The following UTP6 variants were observed in gnomAD, a reference collection of about 807,000 sequenced individuals.
The protein encoded by UTP6 is U3 small nucleolar RNA-associated protein 6 homolog.
A neutral mutation model predicts 96.5 loss-of-function variants in UTP6; 60 were observed. The ratio of observed to expected loss-of-function variants is 0.62; its 90% CI spans 0.51 to 0.77. The LOEUF (loss-of-function observed/expected upper bound fraction) is 0.77. UTP6 is among the 30% of genes least tolerant of loss of function. UTP6 has a pLI of 0.00. For synonymous variants in UTP6, 215 were observed against 240.1 expected, an observed-to-expected ratio of 0.90 and a Z score of 0.96; for missense variants, 637 against 706.5, an observed-to-expected ratio of 0.90 and a Z score of 1.12.
In UTP6 at chr17:31,868,127, G is replaced by A; in HGVS notation, c.1497-15C>T. On this transcript the variant is annotated splice_polypyrimidine_tract_variant and intron_variant, in intron 16 of 18. Coordinates refer to ENST00000261708, the MANE Select transcript of UTP6 (RefSeq NM_018428.3). ...TCTCCTGTAAACTAAAAAGGAAGGA[G>A]AAAACGTTATCTTCAACAATGACAA... The A allele has an allele frequency of 6.2e-7, 1 of 1,609,320 alleles. No individual in the cohort carries two copies. Among genetic ancestry groups the A allele is most frequent in the Non-Finnish European group, 8.5e-7 (1 of 1,177,476 alleles).
At chr17:31,880,449 C>A (rs991196741) in intron 11 of UTP6, 124 bp downstream of exon 11, 1 of 1,154,070 alleles carries the variant, frequency 8.7e-7, no homozygotes, top group Non-Finnish European at 1.2e-6. Context: ...AAAGGCCAGG[C>A]TCATCGTAAA....
chr17:31,861,600 G>A lies in UTP6; in HGVS notation c.*1759C>T, dbSNP rs1420538989. The A allele has an allele frequency of 6.6e-6, 1 of 151,458 alleles. No individual in the cohort carries two copies. The highest frequency in any genetic ancestry group is 1.5e-5 in the Non-Finnish European group (1 of 67,942). The allele number at this position is 151,458 out of a possible 1,614,324, so 9.4% of individuals were successfully genotyped here. On this transcript the variant is annotated 3_prime_UTR_variant, in exon 19 of 19. Coordinates refer to ENST00000261708, the MANE Select transcript of UTP6 (RefSeq NM_018428.3). ...ACTGCACTCTAGCCTAGGTGACAAA[G>A]CAAGAACTTGTCCAATTTAAAAAAA... is the stretch of plus-strand genomic sequence containing the variant.
rs1374000094 is a variant in UTP6, at chr17:31,901,640, C to T, written c.-13G>A. ...TTATCTCTGCCATGAGGTCCGAGGT[C>T]TACAACCCCGCGGGTAGCTTCTCAA... On this transcript the variant is annotated 5_prime_UTR_variant, in exon 1 of 19. Transcript: ENST00000261708. 6.2e-7 allele frequency: 1 copy of T among 1,612,640 alleles called. No homozygotes were observed. The highest frequency in any genetic ancestry group is 8.5e-7 in the Non-Finnish European group (1 of 1,179,832).
intron 11 of UTP6, chr17:31,880,340 G>T (rs2142304601): frequency 2.2e-6 from 1 of 457,606 alleles, no homozygotes; most frequent in Non-Finnish European, 4.0e-6. Flanking sequence ...AGAATTGCTT[G>T]AACCCGGGAG....
chr17:31,891,990 T>C (rs1323969103), intron 6 of UTP6, among the ~76,000 whole-genome samples: 1 of 151,960 alleles, frequency 6.6e-6, no homozygotes. Flanking sequence ...ACCACTGCCC[T>C]CCAGCCTGGG....
intron 3 of UTP6, 40 bp from the exon 4 acceptor site, chr17:31,894,777 A>G (rs1904537406): frequency 1.3e-6 from 2 of 1,537,962 alleles, no homozygotes; most frequent in African/African-American, 1.4e-5. Flanking sequence ...CAACTTAATC[A>G]TATTTGTCCA....
chr17:31,898,893 G>A lies in UTP6; in HGVS notation c.177+753C>T, dbSNP rs1234514159. Among the ~76,000 whole-genome samples, 5 of 152,008 alleles carry A rather than the reference G, an allele frequency of 3.3e-5. No individual in the cohort carries two copies. In the South Asian group the frequency reaches 6.2e-4, roughly 19 times the overall value. ...CAGTCTCTACTAAAAGTAGCTGGGTGCGGTGCCATACGCCTGTAATCCCAG... is the reference window on the plus strand; with the variant it reads ...CAGTCTCTACTAAAAGTAGCTGGGTACGGTGCCATACGCCTGTAATCCCAG... On this transcript the variant is annotated intron_variant, in intron 2 of 18. Transcript: ENST00000261708.
intron 9 of UTP6, among the ~76,000 whole-genome samples, chr17:31,884,713 T>TA (rs896485563): frequency 2.6e-4 from 33 of 129,394 alleles, no homozygotes; most frequent in East Asian, 4.4e-4. Context: ...GGAGTATTCA[T>TA]AAAAAAAGAA....
intron 13 of UTP6, among the ~76,000 whole-genome samples, chr17:31,876,752 C>G (rs192248928): frequency 2.6e-4 from 40 of 152,256 alleles, no homozygotes; most frequent in African/African-American, 8.9e-4. Context: ...TGGCTCACGC[C>G]TGTAATCCCA....
rs911285975 is a variant in UTP6 at position 31,861,111 on chromosome 17, G to T, written c.*2248C>A. On this transcript the variant is annotated 3_prime_UTR_variant, in exon 19 of 19. Coordinates refer to ENST00000261708, the MANE Select transcript of UTP6 (RefSeq NM_018428.3). ...GGCATCAAAAATCGCCACAAAAGGTGCCTATAATCCCAGCTACTTGGGAGG... is the reference window on the plus strand; with the variant it reads ...GGCATCAAAAATCGCCACAAAAGGTTCCTATAATCCCAGCTACTTGGGAGG... 1.3e-5 allele frequency: 2 copies of T among 151,734 alleles called. No individual in the cohort carries two copies. The highest frequency in any genetic ancestry group is 4.8e-5 in the African/African-American group (2 of 41,318). The allele number at this position is 151,734 out of a possible 1,614,324, so 9.4% of individuals were successfully genotyped here.
chr17:31,901,661 C>T lies in UTP6; in HGVS notation c.-34G>A. Reference sequence around the variant, plus strand: ...AGGTCTACAACCCCGCGGGTAGCTTCTCAACAGCGAACACGAGCAGGAAGC... The same window carrying T: ...AGGTCTACAACCCCGCGGGTAGCTTTTCAACAGCGAACACGAGCAGGAAGC... On this transcript the variant is annotated 5_prime_UTR_variant, in exon 1 of 19. Transcript: ENST00000261708. The T allele has an allele frequency of 6.2e-7, 1 of 1,604,662 alleles. No homozygotes were observed. Among genetic ancestry groups the T allele is most frequent in the Non-Finnish European group, 8.5e-7 (1 of 1,174,324 alleles).
At chr17:31,880,407 C>A in intron 11 of UTP6, 166 bp downstream of exon 11, 1 of 784,312 alleles carries the variant, frequency 1.3e-6, no homozygotes, top group Non-Finnish European at 1.9e-6. Flanking sequence ...GGTGACAGAA[C>A]AAGACTCTGC....
chr17:31,870,468 GTTTGT>G (rs376206170), intron 16 of UTP6, among the ~76,000 whole-genome samples: 83 of 147,976 alleles, frequency 5.6e-4, no homozygotes, highest in African/African-American at 2.0e-3. Flanking sequence ...CAGCTATTAT[GTTTGT>G]TTTGTTTTGG....
rs1471721922 is a variant in UTP6, at chr17:31,861,655, A to C, written c.*1704T>G. The C allele has an allele frequency of 1.3e-5, 2 of 152,226 alleles. No homozygotes were observed. Among genetic ancestry groups the C allele is most frequent in the African/African-American group, 2.4e-5 (1 of 41,462 alleles). The allele number at this position is 152,226 out of a possible 1,614,324, so 9.4% of individuals were successfully genotyped here. On this transcript the variant is annotated 3_prime_UTR_variant, in exon 19 of 19. Transcript: ENST00000261708. ...TTAACTCATAAATTAGTAAGAAAAA[A>C]AATTTTTAAATAGTCTAAGGATGTA...
chr17:31,886,059 C>T lies in UTP6; in HGVS notation c.624G>A (p.Glu208=), dbSNP rs1378874449. The change falls in exon 9 of 19, where the codon GAG becomes GAA. Residue 208 remains glutamate (E), a splice_region_variant and synonymous_variant. Coordinates refer to ENST00000261708, the MANE Select transcript of UTP6 (RefSeq NM_018428.3). ...GGATTTCTTCAGAATAATCAGGATT[C>T]TCCTAAAGAGTGTTATATCAAACGT... ...EEFEKASMDV[E]NPDYSEEILK... 6.2e-7 allele frequency: 1 copy of T among 1,612,410 alleles called. No homozygotes were observed. Among genetic ancestry groups the T allele is most frequent in the African/African-American group, 1.3e-5 (1 of 74,978 alleles).
At chr17:31,890,909 C>T (rs931085212) in intron 6 of UTP6, among the ~76,000 whole-genome samples, 20 of 151,932 alleles carry the variant, frequency 1.3e-4, no homozygotes, top group African/African-American at 4.8e-4. Flanking sequence ...ATCACTTGAA[C>T]CCAGGAGACA....
intron 13 of UTP6, among the ~76,000 whole-genome samples, chr17:31,877,853 G>A (rs1056663533): frequency 1.3e-5 from 2 of 151,834 alleles, no homozygotes; most frequent in African/African-American, 4.8e-5. Context: ...TGTGATCCCA[G>A]CTACTTGGGA....
intron 17 of UTP6, 60 bp from the exon 18 acceptor site, chr17:31,865,498 C>A (rs1909762456): frequency 6.6e-7 from 1 of 1,518,714 alleles, no homozygotes; most frequent in Middle Eastern, 1.7e-4. Context: ...AAATTCATTC[C>A]AACCATATTG....
intron 16 of UTP6, among the ~76,000 whole-genome samples, chr17:31,869,398 G>A (rs1011229837): frequency 2.0e-5 from 3 of 152,196 alleles, no homozygotes; most frequent in African/African-American, 7.2e-5. Flanking sequence ...CAACTCCTGG[G>A]CCCAAGCAAT....
Sources: gnomAD v4.1 joint callset for allele counts (sites outside exome capture counted in the v4.1 genomes callset) on GRCh38, gnomAD v4.1.1 for gene constraint, MANE v1.5 for transcripts, NCBI Gene and HGNC (gene_info 2026-07-23, HGNC 2026-07-21) for gene names.